The following GPC5 variants were observed in gnomAD, a reference collection of about 807,000 sequenced individuals.
The protein encoded by GPC5 is glypican 5.
GPC5 carries 47 observed loss-of-function variants against 53.9 expected under a neutral mutation model. That is an observed-to-expected ratio of 0.87 (90% CI 0.69 to 1.11). The LOEUF (loss-of-function observed/expected upper bound fraction) is 1.11, where lower values mean the gene tolerates loss of function less well. Ranked by LOEUF, GPC5 falls within the 50% of genes most tolerant of loss-of-function variation. The probability of loss-of-function intolerance (pLI) is 0.00; values close to 1 mark genes in which losing one functional copy is unlikely to be tolerated. For synonymous variants in GPC5, 286 were observed against 263.3 expected (o/e 1.09, Z -0.84); for missense variants, 748 against 713.1 (o/e 1.05, Z -0.56).
At chr13:92,178,964 C>G (rs1226383362) in intron 7 of GPC5, among the ~76,000 whole-genome samples, 1 of 151,994 alleles carries the variant, frequency 6.6e-6, no homozygotes. Flanking sequence ...GAGCGGGACC[C>G]TGTCTCAAAA....
At chr13:91,603,457 A>G (rs1435473835) in intron 2 of GPC5, among the ~76,000 whole-genome samples, 1 of 152,252 alleles carries the variant, frequency 6.6e-6, no homozygotes, top group Admixed American at 6.5e-5. Context: ...GGTTAGTGGC[A>G]GAAGTGGTCA....
intron 7 of GPC5, among the ~76,000 whole-genome samples, chr13:92,780,704 T>A (rs1267991757): frequency 6.6e-6 from 1 of 152,050 alleles, no homozygotes; most frequent in East Asian, 1.9e-4. Context: ...ATAGTGATTA[T>A]GATTGTCTTT....
At chr13:91,650,402 T>C (rs2139550145) in intron 2 of GPC5, among the ~76,000 whole-genome samples, 1 of 149,458 alleles carries the variant, frequency 6.7e-6, no homozygotes, top group African/African-American at 2.6e-5. Flanking sequence ...ACTTGTAGTA[T>C]ATATTTTTTT....
At chr13:92,839,674 T>C (rs1207627533) in intron 7 of GPC5, among the ~76,000 whole-genome samples, 1 of 152,070 alleles carries the variant, frequency 6.6e-6, no homozygotes, top group Non-Finnish European at 1.5e-5. Flanking sequence ...GGTGTATATG[T>C]ACCACATTTG....
Position 92,527,914 on chromosome 13 carries a change from A to G in GPC5, c.1562-338368A>G, listed in dbSNP as rs563215726. Among the ~76,000 whole-genome samples the G allele has an allele frequency of 1.3e-3, 191 of 152,248 alleles. 1 individual carries two copies. The highest frequency in any genetic ancestry group is 4.3e-3 in the African/African-American group (178 of 41,568). On this transcript the variant is annotated intron_variant, in intron 7 of 7. Transcript: ENST00000377067. ...GTGACTTAGTTGTGATATAAAAGCT[A>G]TTTTCCCCTGAATTTAATGAAAATA... is the stretch of plus-strand genomic sequence containing the variant.
intron 7 of GPC5, among the ~76,000 whole-genome samples, chr13:92,754,341 G>C (rs936040708): frequency 1.3e-5 from 2 of 152,148 alleles, no homozygotes; most frequent in Non-Finnish European, 2.9e-5. Flanking sequence ...GCTAAACATG[G>C]AAATGCACAA....
chr13:92,442,893 G>A (rs770515465), intron 7 of GPC5, among the ~76,000 whole-genome samples: 1 of 152,104 alleles, frequency 6.6e-6, no homozygotes, highest in Non-Finnish European at 1.5e-5. Flanking sequence ...ATACCCAGTA[G>A]CCACTTGAAT....
Position 92,508,884 on chromosome 13 carries a change from A to AT in GPC5, c.1562-357394dup, listed in dbSNP as rs1376819191. Among the ~76,000 whole-genome samples, 3 of 152,200 alleles carry AT rather than the reference A, an allele frequency of 2.0e-5. No individual in the cohort carries two copies. In the East Asian group the frequency reaches 5.8e-4, roughly 29 times the overall value. Reference sequence around the variant, plus strand: ...TCAGAAGACGGTTTTGAAAGATAAGATTTTAAGCACTCAATTTATTCATTC... The same window carrying AT: ...TCAGAAGACGGTTTTGAAAGATAAGATTTTTAAGCACTCAATTTATTCATTC... On this transcript the variant is annotated intron_variant, in intron 7 of 7. Coordinates refer to ENST00000377067, the MANE Select transcript of GPC5 (RefSeq NM_004466.6).
At chr13:92,719,169 C>T (rs929227230) in intron 7 of GPC5, among the ~76,000 whole-genome samples, 10 of 148,270 alleles carry the variant, frequency 6.7e-5, no homozygotes, top group Non-Finnish European at 1.2e-4. Flanking sequence ...TTCCTATAGC[C>T]CCCCCCCACA....
intron 5 of GPC5, among the ~76,000 whole-genome samples, chr13:91,890,300 C>A (rs534493257): frequency 6.6e-4 from 101 of 152,226 alleles, no homozygotes; most frequent in South Asian, 2.1e-3. Flanking sequence ...ATTTGGCAGG[C>A]TCTATTTTTA....
At chr13:92,578,616 G>A (rs1253909939) in intron 7 of GPC5, among the ~76,000 whole-genome samples, 1 of 152,140 alleles carries the variant, frequency 6.6e-6, no homozygotes, top group Non-Finnish European at 1.5e-5. Flanking sequence ...CCAGAAGAGA[G>A]AGCAAACTCA....
At position 92,200,575 on chromosome 13, in the gene GPC5, A is replaced by C. The variant is rs373240495; in HGVS notation, c.1561+55586A>C. Reference sequence around the variant, plus strand: ...TCATTTTCTGTTATGTTCCAAACAAATTATCTCAGACTGTTTTTTGACAAG... The same window carrying C: ...TCATTTTCTGTTATGTTCCAAACAACTTATCTCAGACTGTTTTTTGACAAG... On this transcript the variant is annotated intron_variant, in intron 7 of 7. Coordinates refer to ENST00000377067, the MANE Select transcript of GPC5 (RefSeq NM_004466.6). 2.0e-5 allele frequency among the ~76,000 whole-genome samples: 3 copies of C among 152,228 alleles called. No homozygotes were observed. The East Asian group carries it at 5.8e-4, about 29-fold the overall frequency.
intron 5 of GPC5, among the ~76,000 whole-genome samples, chr13:91,797,275 G>C (rs545996350): frequency 2.5e-4 from 38 of 152,184 alleles, no homozygotes; most frequent in African/African-American, 9.1e-4. Context: ...AGTTCAATTA[G>C]AATGTTGTGG....
intron 2 of GPC5, among the ~76,000 whole-genome samples, chr13:91,506,699 T>A (rs1437684061): frequency 6.7e-6 from 1 of 149,018 alleles, no homozygotes; most frequent in African/African-American, 2.4e-5. Flanking sequence ...AAAAAATGAC[T>A]TTGAATAAAA....
At chr13:91,792,575 T>G (rs2037983263) in intron 5 of GPC5, among the ~76,000 whole-genome samples, 1 of 152,202 alleles carries the variant, frequency 6.6e-6, no homozygotes, top group African/African-American at 2.4e-5. Flanking sequence ...TGTTGATGGC[T>G]CATTCAAAGT....
At chr13:92,595,143 G>T (rs979876803) in intron 7 of GPC5, among the ~76,000 whole-genome samples, 1 of 152,128 alleles carries the variant, frequency 6.6e-6, no homozygotes, top group Non-Finnish European at 1.5e-5. Context: ...TTAAGTTCAC[G>T]TCTTAACTGT....
chr13:91,959,057 A>AAC (rs147785443), intron 6 of GPC5, among the ~76,000 whole-genome samples: 38,763 of 126,904 alleles, frequency 0.31, 6,263 homozygotes, highest in East Asian at 0.66. Context: ...GAATGGAGAC[A>AAC]ACACACACAC....
chr13:91,427,801 T>C (rs1879159297), intron 1 of GPC5, among the ~76,000 whole-genome samples: 1 of 152,154 alleles, frequency 6.6e-6, no homozygotes, highest in Non-Finnish European at 1.5e-5. Flanking sequence ...CAGGTGTTGA[T>C]GGAGAGACCT....
chr13:91,684,902 A>C (rs887210240), intron 2 of GPC5, among the ~76,000 whole-genome samples: 1 of 152,038 alleles, frequency 6.6e-6, no homozygotes, highest in African/African-American at 2.4e-5. Flanking sequence ...CTCCAATCAC[A>C]TTGACTTTCC....
Sources: allele counts gnomAD v4.1 joint callset (sites outside exome capture counted in the v4.1 genomes callset), GRCh38; gene constraint gnomAD v4.1.1; transcripts MANE v1.5; gene names NCBI Gene and HGNC (gene_info 2026-07-23, HGNC 2026-07-21).